The following RPS6KA4 variants were observed in gnomAD, a reference collection of about 807,000 sequenced individuals.
RPS6KA4 encodes ribosomal protein S6 kinase alpha-4.
RPS6KA4 carries 38 observed loss-of-function variants against 89.6 expected under a neutral mutation model. The ratio of observed to expected loss-of-function variants is 0.42; its 90% CI spans 0.33 to 0.56. RPS6KA4 has a LOEUF of 0.56. RPS6KA4 is among the 20% of genes least tolerant of loss of function. RPS6KA4 has a pLI of 0.07. For synonymous variants in RPS6KA4, 495 were observed against 492.8 expected (o/e 1.00, Z -0.06); for missense variants, 873 against 1,098.8 (o/e 0.79, Z 2.90).
At chr11:64,369,641 C>T (rs550745484) in intron 13 of RPS6KA4, 22 bp downstream of exon 13, 24 of 1,599,166 alleles carry the variant, frequency 1.5e-5, no homozygotes, top group Admixed American at 6.8e-5. Context: ...GCCTCGGCGG[C>T]GGGGCGGAGC....
chr11:64,362,463 G>C (rs1276203926), intron 8 of RPS6KA4, among the ~76,000 whole-genome samples: 2 of 152,230 alleles, frequency 1.3e-5, no homozygotes, highest in Non-Finnish European at 2.9e-5. Context: ...CATTCAGATG[G>C]ACGGTTGATC....
chr11:64,370,833 CG>C lies in RPS6KA4; in HGVS notation c.2121+109del, dbSNP rs1306807718. ...CAGAAAGGCGAGGTGAGGCCGGGCG[CG>C]GTGGCTCACGCCTGTAATCCCAGCG... On this transcript the variant is annotated intron_variant, in intron 16 of 16. Coordinates refer to ENST00000334205, the MANE Select transcript of RPS6KA4 (RefSeq NM_003942.3). The surrounding 1 kb of genome is among the most constrained non-coding windows in gnomAD (Gnocchi z 4.1). The C allele has an allele frequency of 1.5e-6, 2 of 1,340,978 alleles. No individual in the cohort carries two copies. The highest frequency in any genetic ancestry group is 2.7e-4 in the Middle Eastern group (1 of 3,738). The allele number at this position is 1,340,978 out of a possible 1,614,324, so 83.1% of individuals were successfully genotyped here. A position where few individuals can be genotyped will look rare whatever the true frequency, so the allele number is the denominator to read the frequency against.
intron 12 of RPS6KA4, 125 bp from the exon 13 acceptor site, chr11:64,369,321 A>T: frequency 9.2e-7 from 1 of 1,083,058 alleles, no homozygotes; most frequent in Non-Finnish European, 1.3e-6. Context: ...AGAAAGAAAA[A>T]GGACTTTGAG....
In RPS6KA4 at chr11:64,370,657, G is replaced by T; in HGVS notation, c.2052G>T (p.Pro684=). 2.5e-6 allele frequency: 4 copies of T among 1,571,314 alleles called. No homozygotes were observed. In the South Asian group the frequency reaches 3.4e-5, roughly 13 times the overall value. ...LQDGSARSSP[P]LRTPDVLESS... ...ACGGCAGCGCGCGCTCCTCGCCCCC[G>T]CTCCGGACGCCCGACGTGCTCGAGT... The change falls in exon 16 of 17, where the codon CCG becomes CCT. Residue 684 remains proline, a synonymous_variant. Coordinates refer to ENST00000334205, the MANE Select transcript of RPS6KA4 (RefSeq NM_003942.3). The surrounding 1 kb of genome is among the most constrained non-coding windows in gnomAD (Gnocchi z 4.1).
rs774547983 is a variant in RPS6KA4 at position 64,370,834 on chromosome 11, G to C, written c.2121+108G>C. On this transcript the variant is annotated intron_variant, in intron 16 of 16. Coordinates refer to ENST00000334205, the MANE Select transcript of RPS6KA4 (RefSeq NM_003942.3). This position sits in a 1 kb window ranked among gnomAD's most constrained non-coding sequence, Gnocchi z 4.1. The stretch of plus-strand genomic sequence containing the variant: ...AGAAAGGCGAGGTGAGGCCGGGCGC[G>C]GTGGCTCACGCCTGTAATCCCAGCG... 2 of 1,338,766 alleles carry C rather than the reference G, an allele frequency of 1.5e-6. No homozygotes were observed. The highest frequency in any genetic ancestry group is 1.5e-5 in the African/African-American group (1 of 67,618). The allele number at this position is 1,338,766 out of a possible 1,614,324, so 82.9% of individuals were successfully genotyped here.
intron 12 of RPS6KA4, among the ~76,000 whole-genome samples, chr11:64,369,024 G>A (rs936367744): frequency 1.3e-5 from 2 of 152,192 alleles, no homozygotes; most frequent in African/African-American, 4.8e-5. Context: ...GGGCGCGATG[G>A]CTCACGCCTG....
rs545562916 is a variant in RPS6KA4 at position 64,363,396 on chromosome 11, C to T, written c.906+1394C>T. On this transcript the variant is annotated intron_variant, in intron 8 of 16. Coordinates refer to ENST00000334205, the MANE Select transcript of RPS6KA4 (RefSeq NM_003942.3). ...CACCCTTCACCTATGCTGGGTGCTGCGCTGGATACTGGAGTGGGTTGACCA... is the reference window on the plus strand; with the variant it reads ...CACCCTTCACCTATGCTGGGTGCTGTGCTGGATACTGGAGTGGGTTGACCA... Among the ~76,000 whole-genome samples the T allele has an allele frequency of 3.9e-5, 6 of 152,158 alleles. No individual in the cohort carries two copies. The South Asian group carries it at 6.2e-4, about 16-fold the overall frequency.
At chr11:64,362,064 G>C in intron 8 of RPS6KA4, 62 bp downstream of exon 8, 8 of 1,544,954 alleles carry the variant, frequency 5.2e-6, no homozygotes, top group Non-Finnish European at 7.0e-6. Context: ...GCTGTTCCAG[G>C]TTGAGGTTGT....
intron 2 of RPS6KA4, 153 bp downstream of exon 2, chr11:64,359,602 T>G: frequency 2.7e-6 from 2 of 729,780 alleles, no homozygotes; most frequent in Admixed American, 2.6e-5. Flanking sequence ...CTCGCCAGAG[T>G]TTGCATGCCC....
In RPS6KA4 at chr11:64,361,833, A is replaced by AC. The variant is rs753994856; in HGVS notation, c.756-12dup. On this transcript the variant is annotated intron_variant, in intron 7 of 16. Coordinates refer to ENST00000334205, the MANE Select transcript of RPS6KA4 (RefSeq NM_003942.3). The surrounding 1 kb of genome is among the most constrained non-coding windows in gnomAD (Gnocchi z 4.7). ...GGGTGGGGGGCTTGCTGCCCCTGAC[A>AC]CCCCCCCAATCCTCCCAGACGGATC... 72 of 1,580,376 alleles carry AC rather than the reference A, an allele frequency of 4.6e-5. No homozygotes were observed. Among genetic ancestry groups the AC allele is most frequent in the Middle Eastern group, 1.7e-4 (1 of 5,934 alleles).
chr11:64,361,040 T>TG lies in RPS6KA4; in HGVS notation c.463-88dup, dbSNP rs897955758. 9 of 985,038 alleles carry TG rather than the reference T, an allele frequency of 9.1e-6. No homozygotes were observed. Among genetic ancestry groups the TG allele is most frequent in the Admixed American group, 7.3e-5 (3 of 41,224 alleles). The allele number at this position is 985,038 out of a possible 1,614,324, so 61.0% of individuals were successfully genotyped here. A position where few individuals can be genotyped will look rare whatever the true frequency, so the allele number is the denominator to read the frequency against. On this transcript the variant is annotated intron_variant, in intron 4 of 16. Coordinates refer to ENST00000334205, the MANE Select transcript of RPS6KA4 (RefSeq NM_003942.3). This position sits in a 1 kb window ranked among gnomAD's most constrained non-coding sequence, Gnocchi z 4.7. ...CCCTCTACAGGCAGATGACTTTCTCTGGGGGGTCTCCTTATCCTGAGCAGG... is the reference window on the plus strand; with the variant it reads ...CCCTCTACAGGCAGATGACTTTCTCTGGGGGGGTCTCCTTATCCTGAGCAGG...
intron 8 of RPS6KA4, 108 bp downstream of exon 8, chr11:64,362,110 A>G: frequency 7.5e-7 from 1 of 1,326,318 alleles, no homozygotes; most frequent in Middle Eastern, 2.2e-4. Flanking sequence ...AAATCCCCCC[A>G]GAGAAAGAAA....
intron 2 of RPS6KA4, 84 bp from the exon 3 acceptor site, chr11:64,360,079 C>T: frequency 7.6e-7 from 1 of 1,309,340 alleles, no homozygotes; most frequent in Non-Finnish European, 1.0e-6. Context: ...GCACACCCTC[C>T]TGGGTTGGCA....
Position 64,370,081 on chromosome 11 carries a change from G to T in RPS6KA4, c.1798-144G>T. Reference sequence around the variant, plus strand: ...CTGGTGCTAGAGTCGGAGCATCCGGGTATTGGGGGTTAGAAGTCAGGGTTC... The same window carrying T: ...CTGGTGCTAGAGTCGGAGCATCCGGTTATTGGGGGTTAGAAGTCAGGGTTC... On this transcript the variant is annotated intron_variant, in intron 14 of 16. Transcript: ENST00000334205. This position sits in a 1 kb window ranked among gnomAD's most constrained non-coding sequence, Gnocchi z 4.1. 9.1e-7 allele frequency: 1 copy of T among 1,093,484 alleles called. No homozygotes were observed. Among genetic ancestry groups the T allele is most frequent in the African/African-American group, 1.6e-5 (1 of 62,620 alleles). The allele number at this position is 1,093,484 out of a possible 1,614,324, so 67.7% of individuals were successfully genotyped here. A position where few individuals can be genotyped will look rare whatever the true frequency, so the allele number is the denominator to read the frequency against.
chr11:64,359,820 G>A lies in RPS6KA4; in HGVS notation c.128-343G>A. On this transcript the variant is annotated intron_variant, in intron 2 of 16. Coordinates refer to ENST00000334205, the MANE Select transcript of RPS6KA4 (RefSeq NM_003942.3). The stretch of plus-strand genomic sequence containing the variant: ...GTTTGCGCATCCCTTCCCCAGCCAG[G>A]TGCACACCTCTGCCTCCCTTCCTTG... 3 of 533,946 alleles carry A rather than the reference G, an allele frequency of 5.6e-6. No homozygotes were observed. In the South Asian group the frequency reaches 7.3e-5, roughly 13 times the overall value. The allele number at this position is 533,946 out of a possible 1,614,324, so 33.1% of individuals were successfully genotyped here. A position where few individuals can be genotyped will look rare whatever the true frequency, so the allele number is the denominator to read the frequency against.
chr11:64,365,528 C>G, intron 9 of RPS6KA4, 63 bp downstream of exon 9: 1 of 1,583,704 alleles, frequency 6.3e-7, no homozygotes, highest in Non-Finnish European at 8.6e-7. Flanking sequence ...TGCCTCAGCC[C>G]TGGCTGGCCC....
rs771212517 is a variant in RPS6KA4, at chr11:64,361,534, G to A, written c.636G>A (p.Lys212=). 12 of 1,614,040 alleles carry A rather than the reference G, an allele frequency of 7.4e-6. No individual in the cohort carries two copies. In the Admixed American group the frequency reaches 1.8e-4, roughly 25 times the overall value. The stretch of plus-strand genomic sequence containing the variant: ...TGGCCCCCGAAATCATCCGTAGCAA[G>A]ACGGGGCATGGCAAGGTAGGTTGGC... ...EYMAPEIIRS[K]TGHGKAVDWW... Residue 212 remains lysine, a synonymous_variant, in exon 6 of 17, where the codon AAG becomes AAA. Transcript: ENST00000334205. This position sits in a 1 kb window ranked among gnomAD's most constrained non-coding sequence, Gnocchi z 4.7.
In RPS6KA4 at chr11:64,368,740, G is replaced by A; in HGVS notation, c.1371G>A (p.Leu457=). The change falls in exon 12 of 17, where the codon CTG becomes CTA. Residue 457 remains leucine, a synonymous_variant. Transcript: ENST00000334205. Reference sequence around the variant, plus strand: ...ACACGCAGCGCGAAGTGGCTGCCCTGCGCCTGTGCCAGTCACACCCCAACG... The same window carrying A: ...ACACGCAGCGCGAAGTGGCTGCCCTACGCCTGTGCCAGTCACACCCCAACG... ...EANTQREVAA[L]RLCQSHPNVV... 6.3e-7 allele frequency: 1 copy of A among 1,575,378 alleles called. No homozygotes were observed. Among genetic ancestry groups the A allele is most frequent in the South Asian group, 1.2e-5 (1 of 86,258 alleles).
chr11:64,361,959 G>A lies in RPS6KA4; in HGVS notation c.863G>A (p.Gly288Glu). Reference protein sequence around the residue: ...CKDPKKRLGAGPQGAQEVRNH... With the variant: ...CKDPKKRLGAEPQGAQEVRNH... The stretch of plus-strand genomic sequence containing the variant: ...GATCCTAAGAAGCGATTGGGCGCGG[G>A]GCCCCAGGGGGCACAAGAAGTCCGG... Residue 288 changes from glycine (G) to glutamate (E), a missense_variant, in exon 8 of 17, where the codon GGG becomes GAG. Gly to Glu is a moderately conservative substitution (Grantham distance 98). This residue lies in a region of RPS6KA4 where 542 missense variants were observed against 736.4 expected (regional missense o/e 0.74). Coordinates refer to ENST00000334205, the MANE Select transcript of RPS6KA4 (RefSeq NM_003942.3). The surrounding 1 kb of genome is among the most constrained non-coding windows in gnomAD (Gnocchi z 4.7). The A allele has an allele frequency of 6.2e-7, 1 of 1,609,944 alleles. No homozygotes were observed. Among genetic ancestry groups the A allele is most frequent in the Non-Finnish European group, 8.5e-7 (1 of 1,178,904 alleles).
Sources: allele counts gnomAD v4.1 joint callset (sites outside exome capture counted in the v4.1 genomes callset), GRCh38; gene constraint gnomAD v4.1.1; regional missense constraint gnomAD v4.1.1; non-coding constraint Gnocchi (gnomAD v3.1); transcripts MANE v1.5; gene names NCBI Gene and HGNC (gene_info 2026-07-23, HGNC 2026-07-21).